The following KCNQ1 variants were observed in gnomAD, a reference collection of about 807,000 sequenced individuals.
The protein encoded by KCNQ1 is potassium voltage-gated channel subfamily Q member 1, also known as potassium voltage-gated channel subfamily KQT member 1.
In KCNQ1, 49 loss-of-function variants were observed where a neutral mutation model predicts 72.4. The ratio of observed to expected loss-of-function variants is 0.68; its 90% confidence interval spans 0.54 to 0.86. The LOEUF (loss-of-function observed/expected upper bound fraction) is 0.86. Ranked by LOEUF, KCNQ1 falls within the 40% of genes least tolerant of loss-of-function variation. KCNQ1 has a pLI of 0.00. For missense variants in KCNQ1, 790 were observed against 945.1 expected (o/e 0.84, Z 2.15); for synonymous variants, 450 against 412.6 (o/e 1.09, Z -1.10).
chr11:2,760,689 G>A (rs1219063971), intron 11 of KCNQ1, among the ~76,000 whole-genome samples: 2 of 152,230 alleles, frequency 1.3e-5, no homozygotes, highest in Non-Finnish European at 2.9e-5. Flanking sequence ...TTCCTTCACG[G>A]CCCAGTGAGC....
intron 6 of KCNQ1, among the ~76,000 whole-genome samples, chr11:2,577,975 A>AGTGGGGCCCT (rs1224110007): frequency 5.9e-5 from 9 of 152,038 alleles, no homozygotes; most frequent in Non-Finnish European, 1.3e-4. Context: ...CACCCAGGTC[A>AGTGGGGCCCT]GTGGGGCCCT....
In KCNQ1 at chr11:2,494,941, AGAAT is replaced by A. The variant is rs1589911692; in HGVS notation, c.387-32986_387-32983del. Among the ~76,000 whole-genome samples the A allele has an allele frequency of 6.6e-6, 1 of 152,148 alleles. No individual in the cohort carries two copies. The highest frequency in any genetic ancestry group is 2.4e-5 in the African/African-American group (1 of 41,438). On this transcript the variant is annotated intron_variant, in intron 1 of 15. Transcript: ENST00000155840. This position sits in a 1 kb window ranked among gnomAD's most constrained non-coding sequence, Gnocchi z 4.6. The stretch of plus-strand genomic sequence containing the variant: ...ACCAGCTCCTCTTTGTGCCTCTGGT[AGAAT>A]TTGGGTGTGAATCCGTCTGGTCCTG...
rs377726432 is a variant in KCNQ1 at position 2,463,046 on chromosome 11, G to A, written c.386+17562G>A. ...GGGGCCCAGGGAAGTGGGGCCAGTC[G>A]GGGGTCCTCAGGGGTCCTTCAGGGA... On this transcript the variant is annotated intron_variant, in intron 1 of 15. Coordinates refer to ENST00000155840, the MANE Select transcript of KCNQ1 (RefSeq NM_000218.3). The surrounding 1 kb of genome is among the most constrained non-coding windows in gnomAD (Gnocchi z 7.0). 2.6e-5 allele frequency among the ~76,000 whole-genome samples: 4 copies of A among 152,242 alleles called. No homozygotes were observed. The highest frequency in any genetic ancestry group is 4.8e-5 in the African/African-American group (2 of 41,526).
rs199472756 is a variant in KCNQ1, at chr11:2,583,486, G to A, written c.973G>A (p.Gly325Arg). 2.5e-6 allele frequency: 4 copies of A among 1,614,036 alleles called. No homozygotes were observed. The highest frequency in any genetic ancestry group is 3.4e-6 in the Non-Finnish European group (4 of 1,179,976). ...YGDKVPQTWV[G>R]KTIASCFSVF... ...GGACAAGGTGCCCCAGACGTGGGTC[G>A]GGAAGACCATCGCCTCCTGCTTCTC... Residue 325 changes from glycine (G) to arginine (R), a missense_variant, in exon 7 of 16, where the codon GGG becomes AGG. Gly to Arg is a moderately radical substitution (Grantham distance 125). Around this residue, in one of 5 missense-constraint regions of KCNQ1, gnomAD observed 133 missense variants for 219.5 expected, o/e 0.61. Transcript: ENST00000155840.
rs1846688269 is a variant in KCNQ1, at chr11:2,483,582, T to C, written c.386+38098T>C. 6.6e-6 allele frequency among the ~76,000 whole-genome samples: 1 copy of C among 152,206 alleles called. No individual in the cohort carries two copies. The highest frequency in any genetic ancestry group is 2.1e-4 in the South Asian group (1 of 4,834). ...CAGCTCCTCAGTCTCTCTTTGTCTT[T>C]CGTGACCTTGATGTTTTAGATAAGT... On this transcript the variant is annotated intron_variant, in intron 1 of 15. Coordinates refer to ENST00000155840, the MANE Select transcript of KCNQ1 (RefSeq NM_000218.3). This position sits in a 1 kb window ranked among gnomAD's most constrained non-coding sequence, Gnocchi z 6.1.
rs564650960 is a variant in KCNQ1, at chr11:2,468,025, A to G, written c.386+22541A>G. ...TCTGCATTTCCTTTACCCCATCTGT[A>G]AAATAGGGATAACAGCAGCTTCTTA... On this transcript the variant is annotated intron_variant, in intron 1 of 15. Coordinates refer to ENST00000155840, the MANE Select transcript of KCNQ1 (RefSeq NM_000218.3). The surrounding 1 kb of genome is among the most constrained non-coding windows in gnomAD (Gnocchi z 5.7). Among the ~76,000 whole-genome samples the G allele has an allele frequency of 2.0e-5, 3 of 152,360 alleles. No homozygotes were observed. The highest frequency in any genetic ancestry group is 2.0e-4 in the Admixed American group (3 of 15,312).
chr11:2,583,431 G>A lies in KCNQ1; in HGVS notation c.922-4G>A, dbSNP rs760715157. On this transcript the variant is annotated splice_region_variant and splice_polypyrimidine_tract_variant and intron_variant, in intron 6 of 15. Transcript: ENST00000155840. ...GTGGCTGACCACTGTCCCTCTCCCT[G>A]CAGGTCACAGTCACCACCATCGGCT... 4 of 1,608,222 alleles carry A rather than the reference G, an allele frequency of 2.5e-6. No homozygotes were observed. The South Asian group carries it at 3.3e-5, about 13-fold the overall frequency.
rs1323831301 is a variant in KCNQ1, at chr11:2,544,178, A to G, written c.477+16160A>G. 6.6e-6 allele frequency among the ~76,000 whole-genome samples: 1 copy of G among 151,906 alleles called. No individual in the cohort carries two copies. The highest frequency in any genetic ancestry group is 2.4e-5 in the African/African-American group (1 of 41,334). On this transcript the variant is annotated intron_variant, in intron 2 of 15. Coordinates refer to ENST00000155840, the MANE Select transcript of KCNQ1 (RefSeq NM_000218.3). The surrounding 1 kb of genome is among the most constrained non-coding windows in gnomAD (Gnocchi z 4.4). ...CTAAAGATCAACATGGGGAGAATTG[A>G]TGTCTTAACCAATATTGAATCCTCT...
chr11:2,772,970 C>T lies in KCNQ1; in HGVS notation c.1591-2990C>T, dbSNP rs1234097790. On this transcript the variant is annotated intron_variant, in intron 12 of 15. Coordinates refer to ENST00000155840, the MANE Select transcript of KCNQ1 (RefSeq NM_000218.3). The surrounding 1 kb of genome is among the most constrained non-coding windows in gnomAD (Gnocchi z 6.6). Reference sequence around the variant, plus strand: ...TGACTCATGCCATGTTCAATGTGTTCTGAAGAGAGGCTTCGGCCACAGCTG... The same window carrying T: ...TGACTCATGCCATGTTCAATGTGTTTTGAAGAGAGGCTTCGGCCACAGCTG... Among the ~76,000 whole-genome samples the T allele has an allele frequency of 6.6e-6, 1 of 152,206 alleles. No individual in the cohort carries two copies.
At chr11:2,594,281 G>T (rs1015529184) in intron 10 of KCNQ1, among the ~76,000 whole-genome samples, 1 of 152,120 alleles carries the variant, frequency 6.6e-6, no homozygotes, top group Non-Finnish European at 1.5e-5. Context: ...GGCTTCTGTG[G>T]GTCATCAGGC....
chr11:2,668,204 C>G lies in KCNQ1; in HGVS notation c.1514+6123C>G. On this transcript the variant is annotated intron_variant, in intron 11 of 15. Transcript: ENST00000155840. The surrounding 1 kb of genome is among the most constrained non-coding windows in gnomAD (Gnocchi z 4.3). ...GCTCCATTGTGTGCATGGCCTACAT[C>G]ATTCATCCATTCTACCACCTGTGGC... The G allele has an allele frequency of 2.5e-6, 1 of 398,666 alleles. No homozygotes were observed. Among genetic ancestry groups the G allele is most frequent in the Non-Finnish European group, 4.4e-6 (1 of 226,084 alleles). The allele number at this position is 398,666 out of a possible 1,614,324, so 24.7% of individuals were successfully genotyped here. A position where few individuals can be genotyped will look rare whatever the true frequency, so the allele number is the denominator to read the frequency against.
In KCNQ1 at chr11:2,642,975, C is replaced by T. The variant is rs556881113; in HGVS notation, c.1394-18986C>T. 66 of 397,578 alleles carry T rather than the reference C, an allele frequency of 1.7e-4. No homozygotes were observed. The highest frequency in any genetic ancestry group is 1.8e-4 in the Admixed American group (4 of 22,682). 24.6% of individuals were successfully genotyped at this position (397,578 alleles called of 1,614,324 possible). A position where few individuals can be genotyped will look rare whatever the true frequency, so the allele number is the denominator to read the frequency against. On this transcript the variant is annotated intron_variant, in intron 10 of 15. Coordinates refer to ENST00000155840, the MANE Select transcript of KCNQ1 (RefSeq NM_000218.3). This position sits in a 1 kb window ranked among gnomAD's most constrained non-coding sequence, Gnocchi z 4.3. ...ATTTATTTATACAGTTTTGAATGCT[C>T]CTCTTATTTATTTATAGTTTTATGC...
chr11:2,672,366 C>G (rs1444894396), intron 11 of KCNQ1: 3 of 398,160 alleles, frequency 7.5e-6, no homozygotes, highest in Admixed American at 4.4e-5. Context: ...GCAGCCTTCA[C>G]AGGCTGATAT....
chr11:2,611,010 A>G lies in KCNQ1; in HGVS notation c.1393+22156A>G, dbSNP rs1184406186. 1 of 398,434 alleles carries G rather than the reference A, an allele frequency of 2.5e-6. No homozygotes were observed. Among genetic ancestry groups the G allele is most frequent in the Non-Finnish European group, 4.4e-6 (1 of 226,026 alleles). The allele number at this position is 398,434 out of a possible 1,614,324, so 24.7% of individuals were successfully genotyped here. ...ATTGTTGAGTTGTCTATTATTGTTC[A>G]GTTGTCTGTTTCTCTCTTCATTTCT... On this transcript the variant is annotated intron_variant, in intron 10 of 15. Coordinates refer to ENST00000155840, the MANE Select transcript of KCNQ1 (RefSeq NM_000218.3). The surrounding 1 kb of genome is among the most constrained non-coding windows in gnomAD (Gnocchi z 5.3).
At chr11:2,636,737 T>C (rs1408942511) in intron 10 of KCNQ1, 1 of 152,250 alleles carries the variant, frequency 6.6e-6, no homozygotes, top group Non-Finnish European at 1.5e-5. Context: ...TTTCTATTGT[T>C]TGGAATAGTT....
At chr11:2,503,843 G>T (rs543220980) in intron 1 of KCNQ1, among the ~76,000 whole-genome samples, 1 of 152,314 alleles carries the variant, frequency 6.6e-6, no homozygotes, top group South Asian at 2.1e-4. Flanking sequence ...GGATGCTAGT[G>T]AGGATGTGGA....
At chr11:2,552,755 C>T (rs1053102102) in intron 2 of KCNQ1, among the ~76,000 whole-genome samples, 6 of 152,138 alleles carry the variant, frequency 3.9e-5, no homozygotes, top group Non-Finnish European at 7.3e-5. Flanking sequence ...TCCACGAACA[C>T]GGTCTCGCTC....
chr11:2,756,029 G>A (rs1468847353), intron 11 of KCNQ1, among the ~76,000 whole-genome samples: 3 of 152,204 alleles, frequency 2.0e-5, no homozygotes, highest in Middle Eastern at 3.2e-3. Context: ...CTGACCATTG[G>A]GAGCGGTGGC....
chr11:2,631,908 C>T (rs890611289), intron 10 of KCNQ1: 17 of 397,450 alleles, frequency 4.3e-5, no homozygotes, highest in Non-Finnish European at 4.9e-5. Context: ...GAAAGCTGGG[C>T]GCAGTGGCTC....
Sources: gnomAD v4.1 joint callset for allele counts (sites outside exome capture counted in the v4.1 genomes callset) on GRCh38, gnomAD v4.1.1 for gene constraint, gnomAD v4.1.1 regional missense constraint, Gnocchi (gnomAD v3.1) non-coding constraint, MANE v1.5 for transcripts, NCBI Gene and HGNC (gene_info 2026-07-23, HGNC 2026-07-21) for gene names.